The following EPHB1 variants were observed in gnomAD, a reference collection of about 807,000 sequenced individuals.
EPHB1 encodes EPH receptor B1, also known as ephrin type-B receptor 1.
A neutral mutation model predicts 94.4 loss-of-function variants in EPHB1; 30 were observed. The observed-to-expected ratio is 0.32, with a 90% confidence interval of 0.24 to 0.43. The LOEUF (loss-of-function observed/expected upper bound fraction) is 0.43. Ranked by LOEUF, EPHB1 falls within the 20% of genes least tolerant of loss-of-function variation. The pLI, the probability that EPHB1 is intolerant of heterozygous loss-of-function variation, is 1.00. For missense variants in EPHB1, 1,055 were observed against 1,308.3 expected (o/e 0.81, Z 2.99); for synonymous variants, 522 against 489.1 (o/e 1.07, Z -0.89).
At chr3:134,871,139 C>T (rs2037490659) in intron 1 of EPHB1, among the ~76,000 whole-genome samples, 1 of 152,184 alleles carries the variant, frequency 6.6e-6, no homozygotes, top group Admixed American at 6.5e-5. Flanking sequence ...TACTTTGTCA[C>T]TAAAACAATA....
At chr3:135,248,004 C>A (rs137910844) in intron 13 of EPHB1, among the ~76,000 whole-genome samples, 2 of 152,160 alleles carry the variant, frequency 1.3e-5, no homozygotes, top group African/African-American at 4.8e-5. Flanking sequence ...TCTTAAAGAG[C>A]GGAGATGCTC....
chr3:135,134,035 T>C (rs1013256975), intron 5 of EPHB1, among the ~76,000 whole-genome samples: 1 of 152,198 alleles, frequency 6.6e-6, no homozygotes, highest in Non-Finnish European at 1.5e-5. Flanking sequence ...GGTAAAATGC[T>C]ATATGCATGC....
At chr3:135,004,410 C>G (rs1172480945) in intron 3 of EPHB1, among the ~76,000 whole-genome samples, 1 of 152,044 alleles carries the variant, frequency 6.6e-6, no homozygotes, top group Non-Finnish European at 1.5e-5. Flanking sequence ...TTCATTTCAA[C>G]TTTGGTGAAT....
intron 3 of EPHB1, among the ~76,000 whole-genome samples, chr3:135,055,015 C>T (rs1364072160): frequency 6.6e-6 from 1 of 152,016 alleles, no homozygotes; most frequent in Non-Finnish European, 1.5e-5. Context: ...AAAATAGTAC[C>T]CATAATTCTA....
At chr3:135,225,683 C>T (rs1333820339) in intron 12 of EPHB1, among the ~76,000 whole-genome samples, 2 of 151,958 alleles carry the variant, frequency 1.3e-5, no homozygotes, top group East Asian at 1.9e-4. Context: ...AGGAAGGCCA[C>T]ACCTCAGGTG....
At chr3:135,132,505 A>G (rs988391522) in intron 4 of EPHB1, among the ~76,000 whole-genome samples, 5 of 152,162 alleles carry the variant, frequency 3.3e-5, no homozygotes, top group African/African-American at 1.2e-4. Flanking sequence ...CTCAGTGAAG[A>G]TGACTGAAAT....
chr3:135,114,492 G>A (rs1333627993), intron 4 of EPHB1, among the ~76,000 whole-genome samples: 6 of 130,432 alleles, frequency 4.6e-5, no homozygotes, highest in African/African-American at 1.8e-4. Flanking sequence ...ATGAGGTCAG[G>A]AGTTCGAGAC....
chr3:135,139,388 T>A (rs562842571), intron 5 of EPHB1, among the ~76,000 whole-genome samples: 1 of 152,320 alleles, frequency 6.6e-6, no homozygotes, highest in South Asian at 2.1e-4. Context: ...AATGTATTCA[T>A]TCACTTAACA....
chr3:135,196,953 TC>T (rs993887567), intron 11 of EPHB1, among the ~76,000 whole-genome samples: 4 of 152,236 alleles, frequency 2.6e-5, no homozygotes, highest in African/African-American at 7.2e-5. Flanking sequence ...TGGTGGCTCT[TC>T]CGTAATATTA....
chr3:134,907,955 T>TG lies in EPHB1; in HGVS notation c.59-17860dup, dbSNP rs1258345051. 2.6e-5 allele frequency among the ~76,000 whole-genome samples: 4 copies of TG among 152,310 alleles called. No homozygotes were observed. The East Asian group carries it at 7.8e-4, about 30-fold the overall frequency. On this transcript the variant is annotated intron_variant, in intron 1 of 15. Coordinates refer to ENST00000398015, the MANE Select transcript of EPHB1 (RefSeq NM_004441.5). ...GCTCTTAAATCCAGAGTCCTCCTGG[T>TG]GCAGGGTTAGAGACTAGAAATTTCC...
chr3:135,002,212 A>C (rs950425335), intron 3 of EPHB1, among the ~76,000 whole-genome samples: 1 of 152,182 alleles, frequency 6.6e-6, no homozygotes, highest in Non-Finnish European at 1.5e-5. Context: ...TGTAATCTCC[A>C]TGGGTCCAGA....
intron 1 of EPHB1, among the ~76,000 whole-genome samples, chr3:134,915,480 T>A (rs1293686866): frequency 6.6e-6 from 1 of 152,042 alleles, no homozygotes; most frequent in Non-Finnish European, 1.5e-5. Context: ...CCCCGATAGG[T>A]TCAGAGGAAG....
intron 6 of EPHB1, among the ~76,000 whole-genome samples, chr3:135,158,404 T>A (rs1329218854): frequency 6.6e-6 from 1 of 152,204 alleles, no homozygotes; most frequent in Non-Finnish European, 1.5e-5. Flanking sequence ...TAGTCGACTC[T>A]GCCTTTGTAG....
chr3:134,974,757 T>C (rs1934114893), intron 3 of EPHB1, among the ~76,000 whole-genome samples: 1 of 152,196 alleles, frequency 6.6e-6, no homozygotes. Context: ...TGCCCTTTTG[T>C]TTCCCAAGTC....
chr3:134,826,085 C>CA (rs34879749), intron 1 of EPHB1, among the ~76,000 whole-genome samples: 14,867 of 110,330 alleles, frequency 0.13, 998 homozygotes, highest in African/African-American at 0.2. Flanking sequence ...ACTAAAAATA[C>CA]AAAAAAAAAA....
At chr3:135,066,300 A>G (rs1383363561) in intron 3 of EPHB1, among the ~76,000 whole-genome samples, 14 of 152,178 alleles carry the variant, frequency 9.2e-5, no homozygotes. Context: ...TGTTTTCCAA[A>G]TGTTTAGATT....
chr3:135,084,293 A>G (rs747064096), intron 3 of EPHB1, among the ~76,000 whole-genome samples: 1 of 152,086 alleles, frequency 6.6e-6, no homozygotes, highest in Non-Finnish European at 1.5e-5. Flanking sequence ...TCTCCACCTT[A>G]CTTCTGACAT....
intron 3 of EPHB1, among the ~76,000 whole-genome samples, chr3:135,104,775 T>C (rs954566759): frequency 6.6e-6 from 1 of 152,186 alleles, no homozygotes; most frequent in African/African-American, 2.4e-5. Flanking sequence ...TTCCAGAACA[T>C]TGTGTTTTGG....
At chr3:135,257,699 G>A (rs1933464512) in intron 15 of EPHB1, among the ~76,000 whole-genome samples, 1 of 139,922 alleles carries the variant, frequency 7.1e-6, no homozygotes. Flanking sequence ...CCCAGAGGTG[G>A]AGCCTACAGA....
Sources: gnomAD v4.1 joint callset for allele counts (sites outside exome capture counted in the v4.1 genomes callset) on GRCh38, gnomAD v4.1.1 for gene constraint, MANE v1.5 for transcripts, NCBI Gene and HGNC (gene_info 2026-07-23, HGNC 2026-07-21) for gene names.